Variants in GALNTL6 observed in about 807,000 individuals in gnomAD.
The protein encoded by GALNTL6 is polypeptide N-acetylgalactosaminyltransferase like 6.
GALNTL6 carries 46 observed loss-of-function variants against 73.7 expected under a neutral mutation model. The observed-to-expected ratio is 0.62, with a 90% CI of 0.49 to 0.80. The LOEUF is 0.80. Among genes scored for constraint, GALNTL6 ranks in the 30% least tolerant of loss-of-function variants. The probability of loss-of-function intolerance (pLI) is 0.00; values close to 1 mark genes in which losing one functional copy is unlikely to be tolerated. For missense variants in GALNTL6, 604 were observed against 755.0 expected (o/e 0.80, Z 2.34); for synonymous variants, 259 against 263.7 (o/e 0.98, Z 0.17).
intron 2 of GALNTL6, among the ~76,000 whole-genome samples, chr4:172,206,814 G>GTTTTTTTTTTTTTT (rs796625697): frequency 1.0e-4 from 6 of 57,994 alleles, no homozygotes; most frequent in African/African-American, 3.0e-4. Flanking sequence ...TGTTTTTTTT[G>GTTTTTTTTTTTTTT]TTTGTTTTTT....
chr4:171,896,701 C>A (rs1343712131), intron 2 of GALNTL6, among the ~76,000 whole-genome samples: 1 of 152,168 alleles, frequency 6.6e-6, no homozygotes, highest in Non-Finnish European at 1.5e-5. Context: ...GGCCTAATCA[C>A]CTCCCAAAGG....
intron 2 of GALNTL6, among the ~76,000 whole-genome samples, chr4:171,863,069 A>T (rs1735878098): frequency 6.6e-6 from 1 of 152,206 alleles, no homozygotes; most frequent in African/African-American, 2.4e-5. Flanking sequence ...AAAGTTAGGT[A>T]TCTAATTCAC....
chr4:172,518,725 G>C (rs1734686516), intron 5 of GALNTL6, among the ~76,000 whole-genome samples: 1 of 151,846 alleles, frequency 6.6e-6, no homozygotes, highest in Non-Finnish European at 1.5e-5. Context: ...TTTAGAAAGT[G>C]ACCTAAATAT....
At chr4:172,289,388 A>G (rs1030036325) in intron 3 of GALNTL6, among the ~76,000 whole-genome samples, 3 of 152,160 alleles carry the variant, frequency 2.0e-5, no homozygotes, top group Non-Finnish European at 4.4e-5. Context: ...TCCTCCTCAC[A>G]TTTGAAAATA....
At chr4:172,949,874 A>G (rs1205677831) in intron 9 of GALNTL6, among the ~76,000 whole-genome samples, 5 of 151,504 alleles carry the variant, frequency 3.3e-5, no homozygotes, top group Admixed American at 3.3e-4. Context: ...GCACCACTGC[A>G]CTCCAGCCTG....
intron 5 of GALNTL6, among the ~76,000 whole-genome samples, chr4:172,555,867 A>G (rs1736123173): frequency 6.6e-6 from 1 of 152,110 alleles, no homozygotes; most frequent in African/African-American, 2.4e-5. Flanking sequence ...GAAAATGTTA[A>G]TGATCTTGAG....
At chr4:171,836,633 TA>T (rs1190851877) in intron 2 of GALNTL6, among the ~76,000 whole-genome samples, 6 of 152,152 alleles carry the variant, frequency 3.9e-5, no homozygotes, top group Non-Finnish European at 7.3e-5. Flanking sequence ...TTCAGATTTT[TA>T]ATATTTTGTT....
intron 12 of GALNTL6, among the ~76,000 whole-genome samples, chr4:173,026,311 T>C (rs577234380): frequency 6.6e-6 from 1 of 152,306 alleles, no homozygotes; most frequent in East Asian, 1.9e-4. Context: ...TCTCTGGAAA[T>C]GGTATATAGA....
At chr4:172,766,098 A>T (rs1738391323) in intron 5 of GALNTL6, among the ~76,000 whole-genome samples, 1 of 152,174 alleles carries the variant, frequency 6.6e-6, no homozygotes, top group Non-Finnish European at 1.5e-5. Flanking sequence ...CTCATTAAAG[A>T]GTCGGGCAAA....
chr4:172,438,189 A>T (rs561781146), intron 5 of GALNTL6, among the ~76,000 whole-genome samples: 4 of 152,078 alleles, frequency 2.6e-5, no homozygotes, highest in African/African-American at 9.7e-5. Context: ...TACAATAATC[A>T]TCTTTATAAT....
chr4:172,672,416 G>A (rs1326259607), intron 5 of GALNTL6, among the ~76,000 whole-genome samples: 1 of 152,188 alleles, frequency 6.6e-6, no homozygotes, highest in East Asian at 1.9e-4. Context: ...CAGTTTGCCA[G>A]TATTTTGTTG....
intron 2 of GALNTL6, among the ~76,000 whole-genome samples, chr4:171,957,392 C>G (rs1739082247): frequency 2.0e-5 from 3 of 152,034 alleles, no homozygotes; most frequent in Admixed American, 2.0e-4. Context: ...GCTTTAAAAC[C>G]CAAGGAAACA....
chr4:173,022,223 G>GGAA (rs745603587), intron 12 of GALNTL6, among the ~76,000 whole-genome samples: 21 of 137,448 alleles, frequency 1.5e-4, no homozygotes, highest in African/African-American at 6.0e-4. Flanking sequence ...AAGGAAGGAA[G>GGAA]GAAGTTTTGA....
intron 2 of GALNTL6, among the ~76,000 whole-genome samples, chr4:172,005,265 C>T (rs768312427): frequency 7.3e-4 from 111 of 152,154 alleles, no homozygotes; most frequent in Non-Finnish European, 1.2e-3. Context: ...GCTGGGACCA[C>T]AGGTATGCAC....
intron 2 of GALNTL6, among the ~76,000 whole-genome samples, chr4:172,156,563 ATATACATAC>A (rs1450493918): frequency 8.1e-5 from 9 of 110,896 alleles, no homozygotes; most frequent in African/African-American, 3.1e-4. Context: ...ATATATATAT[ATATACATAC>A]TATATATATA....
chr4:171,832,287 T>G (rs1259681174), intron 2 of GALNTL6, among the ~76,000 whole-genome samples: 1 of 148,048 alleles, frequency 6.8e-6, no homozygotes, highest in Non-Finnish European at 1.5e-5. Context: ...CTATATATGT[T>G]TTCAGTCTTT....
intron 5 of GALNTL6, among the ~76,000 whole-genome samples, chr4:172,443,294 T>C (rs1212727471): frequency 3.3e-5 from 5 of 150,766 alleles, no homozygotes; most frequent in Admixed American, 1.3e-4. Flanking sequence ...GCCTCCCAAG[T>C]AGATGGGATT....
chr4:172,918,392 A>AAAAAT, intron 8 of GALNTL6, among the ~76,000 whole-genome samples: 1 of 152,220 alleles, frequency 6.6e-6, no homozygotes, highest in South Asian at 2.1e-4. Flanking sequence ...ATAATTTAAA[A>AAAAAT]AAAATAAAAT....
chr4:172,558,561 C>T (rs1349443942), intron 5 of GALNTL6, among the ~76,000 whole-genome samples: 2 of 152,078 alleles, frequency 1.3e-5, no homozygotes, highest in Non-Finnish European at 2.9e-5. Context: ...CGAGAGAGAC[C>T]TCAGCAGAAA....
Sources: gnomAD v4.1 joint callset for allele counts (sites outside exome capture counted in the v4.1 genomes callset) on GRCh38, gnomAD v4.1.1 for gene constraint, MANE v1.5 for transcripts, NCBI Gene and HGNC (gene_info 2026-07-23, HGNC 2026-07-21) for gene names.